The following VSX2 variants were observed in gnomAD, a reference collection of about 807,000 sequenced individuals.
The protein encoded by VSX2 is visual system homeobox 2, also known as ceh-10 homeo domain containing homolog.
In VSX2, 28 loss-of-function variants were observed where a neutral mutation model predicts 32.1. The observed-to-expected ratio is 0.87, with a 90% CI of 0.65 to 1.20. The LOEUF (loss-of-function observed/expected upper bound fraction) is 1.20, where lower values mean the gene tolerates loss of function less well. VSX2 is among the 50% of genes most tolerant of loss of function. The pLI, the probability that VSX2 is intolerant of heterozygous loss-of-function variation, is 0.00. For synonymous variants in VSX2, 243 were observed against 214.1 expected, an observed-to-expected ratio of 1.14 and a Z score of -1.18; for missense variants, 506 against 488.7, an observed-to-expected ratio of 1.04 and a Z score of -0.33.
rs924013887 is a variant in VSX2 at position 74,257,719 on chromosome 14, C to G, written c.580-1883C>G. Among the ~76,000 whole-genome samples the G allele has an allele frequency of 2.0e-4, 30 of 150,808 alleles. No homozygotes were observed. The South Asian group carries it at 2.5e-3, about 13-fold the overall frequency. On this transcript the variant is annotated intron_variant, in intron 3 of 4. Coordinates refer to ENST00000261980, the MANE Select transcript of VSX2 (RefSeq NM_182894.3). ...AGGAGCGCGCGGACCACCCCCCACC[C>G]ACTTCCCCCGAGCCCCGCCGGCCCC...
chr14:74,248,670 G>A (rs1425802245), intron 3 of VSX2, among the ~76,000 whole-genome samples: 1 of 149,604 alleles, frequency 6.7e-6, no homozygotes, highest in African/African-American at 2.5e-5. Context: ...TAGCCTGGGT[G>A]ACAGAGTGAG....
In VSX2 at chr14:74,239,838, T is replaced by C. The variant is rs1314617886; in HGVS notation, c.277T>C (p.Phe93Leu). The part of the protein sequence containing the change: ...GLPGFYTQPT[F>L]LEVLSDPQSV... ...CCCTGGCTTCTACACGCAGCCCACC[T>C]TCCTGGAAGTGCTGTCCGACCCGCA... is the stretch of plus-strand genomic sequence containing the variant. The change falls in exon 1 of 5, where the codon TTC becomes CTC. Residue 93 changes from phenylalanine (F) to leucine (L), a missense_variant. Transcript: ENST00000261980. The C allele has an allele frequency of 6.3e-7, 1 of 1,577,866 alleles. No homozygotes were observed. The highest frequency in any genetic ancestry group is 1.3e-5 in the African/African-American group (1 of 74,434).
chr14:74,245,513 T>C (rs2079186690), intron 3 of VSX2, among the ~76,000 whole-genome samples: 1 of 152,108 alleles, frequency 6.6e-6, no homozygotes, highest in Admixed American at 6.5e-5. Context: ...TTCCAGACTA[T>C]AGGCTTCCCG....
chr14:74,251,717 A>G (rs2079230092), intron 3 of VSX2, among the ~76,000 whole-genome samples: 1 of 152,132 alleles, frequency 6.6e-6, no homozygotes, highest in Non-Finnish European at 1.5e-5. Context: ...GCTGCCCCCT[A>G]GTGGGTAACA....
chr14:74,255,484 C>T (rs1213432419), intron 3 of VSX2, among the ~76,000 whole-genome samples: 2 of 152,192 alleles, frequency 1.3e-5, no homozygotes, highest in East Asian at 3.8e-4. Context: ...TTTGAGCGAC[C>T]AGCTGGCACT....
intron 3 of VSX2, among the ~76,000 whole-genome samples, chr14:74,248,351 AC>A (rs368032128): frequency 0.15 from 19,806 of 128,250 alleles, 1,569 homozygotes; most frequent in Non-Finnish European, 0.19. Context: ...AAAAAAAAAA[AC>A]AAAAAAAACC....
intron 3 of VSX2, among the ~76,000 whole-genome samples, chr14:74,256,276 CA>C (rs2079262200): frequency 6.6e-6 from 1 of 152,132 alleles, no homozygotes; most frequent in Non-Finnish European, 1.5e-5. Flanking sequence ...ACTAAAAATA[CA>C]AAAATTAGCT....
chr14:74,243,386 T>C (rs1001398626), intron 2 of VSX2, among the ~76,000 whole-genome samples: 3 of 152,098 alleles, frequency 2.0e-5, no homozygotes, highest in African/African-American at 4.8e-5. Flanking sequence ...GGTCACATTA[T>C]GGGGGAAGTG....
chr14:74,242,511 C>CCGGATCT (rs1259836414), intron 2 of VSX2, among the ~76,000 whole-genome samples: 7 of 152,020 alleles, frequency 4.6e-5, no homozygotes, highest in Non-Finnish European at 1.0e-4. Context: ...CTTGGTTTCT[C>CCGGATCT]CGGATCTCGG....
At chr14:74,246,814 T>G (rs192145401) in intron 3 of VSX2, among the ~76,000 whole-genome samples, 17 of 152,212 alleles carry the variant, frequency 1.1e-4, no homozygotes, top group Middle Eastern at 3.4e-3. Context: ...TCCTGAAATC[T>G]GCTTGGTAGA....
chr14:74,257,769 G>A (rs1338325550), intron 3 of VSX2, among the ~76,000 whole-genome samples: 1 of 149,710 alleles, frequency 6.7e-6, no homozygotes, highest in African/African-American at 2.5e-5. Context: ...AGGAAGCGAA[G>A]GGTTAAGCTG....
Position 74,259,646 on chromosome 14 carries a change from G to A in VSX2, c.624G>A (p.Lys208=). ...NRRAKWRKRE[K]CWGRSSVMAE... is the part of the protein sequence containing the mutation. ...GAGCCAAGTGGAGGAAGCGGGAGAA[G>A]TGCTGGGGCCGGAGCAGTGTCATGG... is the stretch of plus-strand genomic sequence containing the variant. Residue 208 remains lysine, a synonymous_variant, in exon 4 of 5, where the codon AAG becomes AAA. Coordinates refer to ENST00000261980, the MANE Select transcript of VSX2 (RefSeq NM_182894.3). 3.1e-6 allele frequency: 5 copies of A among 1,614,234 alleles called. No individual in the cohort carries two copies. The highest frequency in any genetic ancestry group is 4.2e-6 in the Non-Finnish European group (5 of 1,180,026).
chr14:74,244,979 TGTGA>T lies in VSX2; in HGVS notation c.456-184_456-181del, dbSNP rs1206007225. Among the ~76,000 whole-genome samples the T allele has an allele frequency of 1.8e-3, 70 of 39,082 alleles. 1 individual carries two copies. Among genetic ancestry groups the T allele is most frequent in the African/African-American group, 4.9e-3 (49 of 9,932 alleles). 25.6% of individuals were successfully genotyped at this position (39,082 alleles called of 152,430 possible). On this transcript the variant is annotated intron_variant, in intron 2 of 4. Transcript: ENST00000261980. ...GTGTGTGTGTGTGTGTGTGTGTGTGTGTGAGAGAGAGAGAGAGAGAGAGAGAGAC... is the reference window on the plus strand; with the variant it reads ...GTGTGTGTGTGTGTGTGTGTGTGTGTGAGAGAGAGAGAGAGAGAGAGAGAC...
intron 3 of VSX2, among the ~76,000 whole-genome samples, chr14:74,256,229 G>A (rs1027080200): frequency 2.0e-5 from 3 of 152,142 alleles, no homozygotes; most frequent in East Asian, 1.9e-4. Flanking sequence ...TCAGGAGTTC[G>A]AGACCAGCCT....
intron 3 of VSX2, among the ~76,000 whole-genome samples, chr14:74,249,259 C>T (rs765235407): frequency 7.2e-5 from 11 of 152,090 alleles, no homozygotes; most frequent in East Asian, 1.9e-4. Flanking sequence ...TTCCATACCT[C>T]GTTTCTTCTC....
At chr14:74,249,185 A>G (rs967459935) in intron 3 of VSX2, among the ~76,000 whole-genome samples, 1 of 152,238 alleles carries the variant, frequency 6.6e-6, no homozygotes, top group Non-Finnish European at 1.5e-5. Flanking sequence ...ATGCTAACTT[A>G]ATAAAAACAG....
chr14:74,248,517 A>G (rs2079209164), intron 3 of VSX2, among the ~76,000 whole-genome samples: 1 of 151,538 alleles, frequency 6.6e-6, no homozygotes, highest in Non-Finnish European at 1.5e-5. Context: ...TGAAATCCCC[A>G]TCTCTACAAA....
At chr14:74,256,726 T>G (rs1300283318) in intron 3 of VSX2, among the ~76,000 whole-genome samples, 1 of 139,464 alleles carries the variant, frequency 7.2e-6, no homozygotes, top group East Asian at 2.3e-4. Flanking sequence ...CAGGCTGGAG[T>G]GCAGTGGCAC....
intron 3 of VSX2, among the ~76,000 whole-genome samples, chr14:74,251,852 G>A (rs1331570063): frequency 6.6e-6 from 1 of 152,178 alleles, no homozygotes; most frequent in East Asian, 1.9e-4. Context: ...CGCCAGCGAT[G>A]AGCCCAAATT....
Sources: gnomAD v4.1 joint callset for allele counts (sites outside exome capture counted in the v4.1 genomes callset) on GRCh38, gnomAD v4.1.1 for gene constraint, MANE v1.5 for transcripts, NCBI Gene and HGNC (gene_info 2026-07-23, HGNC 2026-07-21) for gene names.